ATF6: variants seen among roughly 807,000 people sequenced by gnomAD.
ATF6 encodes activating transcription factor 6.
In ATF6, 53 loss-of-function variants were observed where a neutral mutation model predicts 83.6. The observed-to-expected ratio is 0.63, with a 90% CI of 0.51 to 0.80. The LOEUF (loss-of-function observed/expected upper bound fraction) is 0.80, where lower values mean the gene tolerates loss of function less well. Ranked by LOEUF, ATF6 falls within the 30% of genes least tolerant of loss-of-function variation. ATF6 has a pLI of 0.00. For synonymous variants in ATF6, 288 were observed against 285.8 expected (o/e 1.01, Z -0.08); for missense variants, 744 against 797.9 (o/e 0.93, Z 0.81).
At chr1:161,836,064 T>G (rs979708053) in intron 9 of ATF6, among the ~76,000 whole-genome samples, 8 of 152,172 alleles carry the variant, frequency 5.3e-5, no homozygotes, top group African/African-American at 1.9e-4. Flanking sequence ...AGTTACTCTG[T>G]GGTTTTCTTA....
chr1:161,867,550 A>G (rs1007588753), intron 14 of ATF6, among the ~76,000 whole-genome samples: 3 of 152,206 alleles, frequency 2.0e-5, no homozygotes, highest in African/African-American at 4.8e-5. Context: ...CCACTAATAT[A>G]TAAGGAAAGA....
intron 4 of ATF6, among the ~76,000 whole-genome samples, chr1:161,790,507 A>T (rs1180740604): frequency 6.6e-6 from 1 of 152,082 alleles, no homozygotes; most frequent in Non-Finnish European, 1.5e-5. Flanking sequence ...CACCTACTAA[A>T]TTAAAGAAAA....
intron 15 of ATF6, among the ~76,000 whole-genome samples, chr1:161,928,694 A>G (rs1688371945): frequency 6.6e-6 from 1 of 152,172 alleles, no homozygotes; most frequent in African/African-American, 2.4e-5. Flanking sequence ...TCCTAGACCA[A>G]CAGACCAGTT....
chr1:161,869,079 C>CCA (rs527263418), intron 14 of ATF6, among the ~76,000 whole-genome samples: 1 of 149,026 alleles, frequency 6.7e-6, no homozygotes, highest in Non-Finnish European at 1.5e-5. Flanking sequence ...GTGATTATTG[C>CCA]AAAAAAAAAG....
chr1:161,936,707 A>G (rs962282393), intron 15 of ATF6, among the ~76,000 whole-genome samples: 9 of 152,174 alleles, frequency 5.9e-5, no homozygotes, highest in Admixed American at 2.6e-4. Context: ...TCACATTTTT[A>G]TAAATATTTA....
intron 7 of ATF6, 116 bp downstream of exon 7, chr1:161,802,388 A>T (rs1685176690): frequency 1.2e-6 from 1 of 866,636 alleles, no homozygotes; most frequent in Non-Finnish European, 1.8e-6. Flanking sequence ...TATTGCATCA[A>T]ATAAAAGAGT....
At chr1:161,815,048 G>C (rs1685578782) in intron 7 of ATF6, among the ~76,000 whole-genome samples, 1 of 152,040 alleles carries the variant, frequency 6.6e-6, no homozygotes, top group South Asian at 2.1e-4. Context: ...AGCCAAATGA[G>C]AATAAGAACT....
At chr1:161,878,296 G>A (rs754658263) in intron 14 of ATF6, among the ~76,000 whole-genome samples, 19 of 151,960 alleles carry the variant, frequency 1.3e-4, no homozygotes, top group African/African-American at 4.8e-5. Context: ...GTATGTTTTA[G>A]TAGAGATAGG....
intron 4 of ATF6, among the ~76,000 whole-genome samples, chr1:161,790,809 T>TCAACAACAACAACAACAA (rs34420630): frequency 6.7e-6 from 1 of 149,684 alleles, no homozygotes; most frequent in African/African-American, 2.5e-5. Flanking sequence ...AGACTCTGTC[T>TCAACAACAACAACAACAA]CAACAACAAC....
chr1:161,792,337 C>G lies in ATF6; in HGVS notation c.688+10C>G, dbSNP rs138277547. On this transcript the variant is annotated intron_variant, in intron 6 of 15. Transcript: ENST00000367942. ...CCTGCACCCACTAAAGGTACCTGAG[C>G]AGAATTTAAGGCTGTGTAAATTTAT... 58 of 1,611,102 alleles carry G rather than the reference C, an allele frequency of 3.6e-5. No individual in the cohort carries two copies. The Middle Eastern group carries it at 8.2e-4, about 23-fold the overall frequency.
At chr1:161,775,896 GTA>G (rs35391250) in intron 1 of ATF6, among the ~76,000 whole-genome samples, 8 of 149,838 alleles carry the variant, frequency 5.3e-5, no homozygotes, top group African/African-American at 1.5e-4. Flanking sequence ...ATACATGTGT[GTA>G]TATATATATA....
chr1:161,947,268 A>G (rs1343407220), intron 15 of ATF6, among the ~76,000 whole-genome samples: 1 of 151,854 alleles, frequency 6.6e-6, no homozygotes, highest in Non-Finnish European at 1.5e-5. Flanking sequence ...GGGTCAGTAG[A>G]TGGAAAATTA....
chr1:161,912,494 A>G, intron 15 of ATF6, 114 bp downstream of exon 15: 1 of 513,908 alleles, frequency 1.9e-6, no homozygotes, highest in Non-Finnish European at 3.2e-6. Context: ...ATATCCGTAC[A>G]TTATTTCTGA....
chr1:161,846,317 C>G, intron 9 of ATF6, 132 bp from the exon 10 acceptor site: 8 of 954,058 alleles, frequency 8.4e-6, no homozygotes, highest in Non-Finnish European at 1.2e-5. Flanking sequence ...TTTGTACTTG[C>G]GTCTATGCCT....
At chr1:161,947,838 T>G (rs1045403008) in intron 15 of ATF6, among the ~76,000 whole-genome samples, 100 of 80,494 alleles carry the variant, frequency 1.2e-3, no homozygotes, top group African/African-American at 3.7e-3. Flanking sequence ...TTTTTTTTTT[T>G]TTTGAGATGG....
At chr1:161,860,403 C>CCTG in intron 13 of ATF6, 126 bp downstream of exon 13, 2 of 311,298 alleles carry the variant, frequency 6.4e-6, no homozygotes, top group East Asian at 5.7e-5. Flanking sequence ...TAGTCATATA[C>CCTG]TCTAAGATAT....
chr1:161,820,696 C>T (rs545901757), intron 8 of ATF6, among the ~76,000 whole-genome samples: 6 of 152,074 alleles, frequency 3.9e-5, no homozygotes, highest in East Asian at 1.9e-4. Flanking sequence ...TGCGGTGATC[C>T]GAGATGATGC....
chr1:161,946,637 A>G (rs1176232992), intron 15 of ATF6, among the ~76,000 whole-genome samples: 1 of 152,152 alleles, frequency 6.6e-6, no homozygotes, highest in Non-Finnish European at 1.5e-5. Flanking sequence ...GAGCAGGCCT[A>G]GTTTTTGGTT....
At position 161,832,526 on chromosome 1, in the gene ATF6, C is replaced by T. The variant is rs546905069; in HGVS notation, c.1187+11365C>T. ...CCTAGTCAAAGAAAGGGGTGACAGACGGCACCTGGAAAATCGGGTCACTAC... is the reference window on the plus strand; with the variant it reads ...CCTAGTCAAAGAAAGGGGTGACAGATGGCACCTGGAAAATCGGGTCACTAC... On this transcript the variant is annotated intron_variant, in intron 9 of 15. Transcript: ENST00000367942. 3.9e-4 allele frequency among the ~76,000 whole-genome samples: 60 copies of T among 152,322 alleles called. No individual in the cohort carries two copies. The South Asian group carries it at 5.8e-3, about 15-fold the overall frequency.
Sources: gnomAD v4.1 joint callset for allele counts (sites outside exome capture counted in the v4.1 genomes callset) on GRCh38, gnomAD v4.1.1 for gene constraint, MANE v1.5 for transcripts, NCBI Gene and HGNC (gene_info 2026-07-23, HGNC 2026-07-21) for gene names.